The following NYAP2 variants were observed in gnomAD, a reference collection of about 807,000 sequenced individuals.
The protein encoded by NYAP2 is neuronal tyrosine-phosphorylated phosphoinositide-3-kinase adapter 2.
A neutral mutation model predicts 50.4 loss-of-function variants in NYAP2; 23 were observed. The observed-to-expected ratio is 0.46, with a 90% CI of 0.33 to 0.65. NYAP2 has a LOEUF of 0.65. Ranked by LOEUF, NYAP2 falls within the 30% of genes least tolerant of loss-of-function variation. The pLI is 0.02. For missense variants in NYAP2, 885 were observed against 861.0 expected (o/e 1.03, Z -0.35); for synonymous variants, 394 against 365.2 (o/e 1.08, Z -0.90).
intron 3 of NYAP2, among the ~76,000 whole-genome samples, chr2:225,476,096 G>A (rs1316134976): frequency 6.6e-6 from 1 of 152,212 alleles, no homozygotes; most frequent in African/African-American, 2.4e-5. Flanking sequence ...CTGTGAGGCA[G>A]ATTAGTCTTA....
At chr2:225,580,953 C>A (rs1241793185) in intron 4 of NYAP2, among the ~76,000 whole-genome samples, 1 of 152,160 alleles carries the variant, frequency 6.6e-6, no homozygotes, top group East Asian at 1.9e-4. Context: ...AATCATATAT[C>A]AACACAATGA....
At position 225,610,811 on chromosome 2, in the gene NYAP2, A is replaced by G. The variant is rs1692868809; in HGVS notation, c.1619-16106A>G. ...TAAAATTAAGGAATCTCAACATTAC[A>G]TGAGCCTTCTAAACATGCACAATGC... On this transcript the variant is annotated intron_variant, in intron 5 of 6. Coordinates refer to ENST00000636099, the Ensembl canonical transcript of NYAP2. Among the ~76,000 whole-genome samples, 13 of 152,202 alleles carry G rather than the reference A, an allele frequency of 8.5e-5. No homozygotes were observed. The South Asian group carries it at 2.7e-3, about 31-fold the overall frequency.
intron 3 of NYAP2, among the ~76,000 whole-genome samples, chr2:225,412,849 T>C (rs1038598724): frequency 6.6e-6 from 1 of 152,014 alleles, no homozygotes; most frequent in Non-Finnish European, 1.5e-5. Flanking sequence ...ACAGAGGAAT[T>C]ACTCCCATCA....
At chr2:225,494,194 C>T (rs1249170830) in intron 3 of NYAP2, among the ~76,000 whole-genome samples, 2 of 152,194 alleles carry the variant, frequency 1.3e-5, no homozygotes, top group African/African-American at 4.8e-5. Flanking sequence ...ACTGCCAGTT[C>T]ACCTAATGTG....
exon 4 of NYAP2, chr2:225,513,661 A>C (rs1423547422): frequency 2.0e-6 from 3 of 1,508,614 alleles, no homozygotes; most frequent in Non-Finnish European, 1.8e-6. Flanking sequence ...AAAACCCCTG[A>C]GAGGACTGAA....
intron 5 of NYAP2, among the ~76,000 whole-genome samples, chr2:225,615,821 T>G (rs1392791902): frequency 1.3e-5 from 2 of 152,182 alleles, no homozygotes; most frequent in African/African-American, 2.4e-5. Context: ...GACCTGCTAT[T>G]TCTCCACCCT....
At chr2:225,422,324 A>G (rs184752669) in intron 3 of NYAP2, among the ~76,000 whole-genome samples, 4 of 152,322 alleles carry the variant, frequency 2.6e-5, no homozygotes, top group Admixed American at 2.6e-4. Flanking sequence ...TCAATCTGCC[A>G]TGTGCATTAG....
At chr2:225,471,474 A>G (rs1359250237) in intron 3 of NYAP2, among the ~76,000 whole-genome samples, 1 of 152,220 alleles carries the variant, frequency 6.6e-6, no homozygotes, top group African/African-American at 2.4e-5. Context: ...ATTGAGGCAC[A>G]GGTATATTTA....
At chr2:225,408,821 T>C in intron 2 of NYAP2, 43 bp from the exon 3 acceptor site, 2 of 1,155,542 alleles carry the variant, frequency 1.7e-6, no homozygotes, top group East Asian at 2.4e-5. Flanking sequence ...CCTTGCTTTT[T>C]TCCCCACCCT....
At chr2:225,673,260 C>T in the NYAP2 span, among the ~76,000 whole-genome samples, 1,355 of 152,104 alleles carry the variant, frequency 8.9e-3, 7 homozygotes, top group Non-Finnish European at 0.014. Context: ...GTCCCTCCCA[C>T]AACACATGGA....
chr2:225,629,860 C>T (rs991259402), intron 6 of NYAP2, among the ~76,000 whole-genome samples: 1 of 152,172 alleles, frequency 6.6e-6, no homozygotes, highest in African/African-American at 2.4e-5. Context: ...CTAGGCCCCA[C>T]CTCCCAACAC....
chr2:225,545,203 C>T (rs1345876480), intron 4 of NYAP2, among the ~76,000 whole-genome samples: 4 of 152,078 alleles, frequency 2.6e-5, no homozygotes, highest in Non-Finnish European at 2.9e-5. Context: ...TTCTATAACC[C>T]TGTATCTGAA....
chr2:225,675,525 T>G, the NYAP2 span, among the ~76,000 whole-genome samples: 1 of 152,190 alleles, frequency 6.6e-6, no homozygotes, highest in Non-Finnish European at 1.5e-5. Context: ...TTGTACCACA[T>G]TTTTTAAAAA....
chr2:225,622,048 T>C (rs761369150), intron 5 of NYAP2, among the ~76,000 whole-genome samples: 1 of 152,202 alleles, frequency 6.6e-6, no homozygotes, highest in Non-Finnish European at 1.5e-5. Context: ...CTATTGTTAT[T>C]TGAGACAAGG....
At chr2:225,593,292 C>T (rs900849707) in intron 5 of NYAP2, among the ~76,000 whole-genome samples, 5 of 152,146 alleles carry the variant, frequency 3.3e-5, no homozygotes, top group Admixed American at 6.5e-5. Flanking sequence ...TCTTAGTTTT[C>T]TCACTTTTCA....
intron 5 of NYAP2, among the ~76,000 whole-genome samples, chr2:225,595,531 G>T (rs1384245982): frequency 6.6e-6 from 1 of 152,170 alleles, no homozygotes; most frequent in African/African-American, 2.4e-5. Context: ...AATAATTAAT[G>T]ACAAGAGATA....
chr2:225,691,590 C>T, the NYAP2 span, among the ~76,000 whole-genome samples: 1 of 152,062 alleles, frequency 6.6e-6, no homozygotes, highest in Non-Finnish European at 1.5e-5. Context: ...CAAAAATCAA[C>T]CTCTTTGCCC....
At chr2:225,594,760 A>G (rs1341133546) in intron 5 of NYAP2, among the ~76,000 whole-genome samples, 2 of 152,216 alleles carry the variant, frequency 1.3e-5, no homozygotes, top group Admixed American at 6.5e-5. Context: ...ATTTAATTAA[A>G]TGTCTGTAGT....
chr2:225,545,431 GCTCA>G (rs1238039439), intron 4 of NYAP2, among the ~76,000 whole-genome samples: 1 of 151,676 alleles, frequency 6.6e-6, no homozygotes, highest in Non-Finnish European at 1.5e-5. Context: ...CTGTATTTGA[GCTCA>G]CTAATTCTTC....
Sources: allele counts gnomAD v4.1 joint callset (sites outside exome capture counted in the v4.1 genomes callset), GRCh38; gene constraint gnomAD v4.1.1; transcripts MANE v1.5; gene names NCBI Gene and HGNC (gene_info 2026-07-23, HGNC 2026-07-21).